Variants in CYP2W1 observed in about 807,000 individuals in gnomAD.
CYP2W1 encodes cytochrome P450 2W1.
CYP2W1 carries 51 observed loss-of-function variants against 44.9 expected under a neutral mutation model. That is an observed-to-expected ratio of 1.14 (90% CI 0.91 to 1.43). The LOEUF is 1.43. CYP2W1 is among the 40% of genes most tolerant of loss of function. CYP2W1 has a pLI of 0.00. For missense variants in CYP2W1, 746 were observed against 700.0 expected (o/e 1.07, Z -0.74); for synonymous variants, 383 against 338.3 (o/e 1.13, Z -1.45).
chr7:986,757 C>A lies in CYP2W1; in HGVS notation c.779C>A (p.Pro260His). The A allele has an allele frequency of 1.2e-6, 2 of 1,603,050 alleles. No homozygotes were observed. The highest frequency in any genetic ancestry group is 1.1e-5 in the South Asian group (1 of 89,892). Residue 260 changes from proline (P) to histidine (H), a missense_variant, in exon 5 of 9, where the codon CCC (proline) becomes CAC (histidine). Pro to His is a moderately conservative substitution (Grantham distance 77). Coordinates refer to ENST00000308919, the MANE Select transcript of CYP2W1 (RefSeq NM_017781.3). Reference protein sequence around the residue: ...ARRPHVCPGDPVCSYVDALIQ... With the variant: ...ARRPHVCPGDHVCSYVDALIQ... ...AGGCCCCACGTGTGCCCGGGGGACC[C>A]CGTGTGCAGCTATGTGGACGCCCTG...
chr7:988,298 C>A lies in CYP2W1; in HGVS notation c.1165C>A (p.Leu389Met). 1 of 1,600,842 alleles carries A rather than the reference C, an allele frequency of 6.2e-7. No individual in the cohort carries two copies. Among genetic ancestry groups the A allele is most frequent in the Non-Finnish European group, 8.5e-7 (1 of 1,171,118 alleles). The stretch of plus-strand genomic sequence containing the variant: ...ACAGGGCACGCCCGTGATTCCCCTG[C>A]TGACCTCGGTGCTCCTGGATGAGAC... ...LPKGTPVIPL[L>M]TSVLLDETQW... is the part of the protein sequence containing the mutation. Residue 389 changes from leucine to methionine, a missense_variant, in exon 8 of 9, where the codon CTG (leucine) becomes ATG (methionine). By Grantham distance (15) the Leu-to-Met change is conservative. Coordinates refer to ENST00000308919, the MANE Select transcript of CYP2W1 (RefSeq NM_017781.3).
rs1342798738 is a variant in CYP2W1 at position 984,883 on chromosome 7, C to T, written c.338-67C>T. 4 of 1,520,560 alleles carry T rather than the reference C, an allele frequency of 2.6e-6. No homozygotes were observed. The African/African-American group carries it at 5.5e-5, about 21-fold the overall frequency. 94.2% of individuals were successfully genotyped at this position (1,520,560 alleles called of 1,614,324 possible). ...GCCCTGTCAGCCTGCTCACTTCCTG[C>T]CCACTTGCCTGGCGGGGCTGGCTGG... On this transcript the variant is annotated intron_variant, in intron 2 of 8. Transcript: ENST00000308919.
intron 1 of CYP2W1, 68 bp from the exon 2 acceptor site, chr7:984,344 G>C: frequency 1.3e-6 from 2 of 1,485,334 alleles, no homozygotes; most frequent in Non-Finnish European, 1.8e-6. Context: ...CACAGGCCCG[G>C]CCTGAGGGGA....
chr7:984,951 C>A lies in CYP2W1; in HGVS notation c.339C>A (p.Gly113=). 4 of 1,597,378 alleles carry A rather than the reference C, an allele frequency of 2.5e-6. No individual in the cohort carries two copies. Among genetic ancestry groups the A allele is most frequent in the Middle Eastern group, 1.9e-4 (1 of 5,382 alleles). The change falls in exon 3 of 9, where the codon GGC becomes GGA. Residue 113 remains glycine, a splice_region_variant and synonymous_variant. Coordinates refer to ENST00000308919, the MANE Select transcript of CYP2W1 (RefSeq NM_017781.3). ...ACCACGCACTGTATCTGCCTACAGGCATCTTCTTCTCATCTGGGGCGCGCT... is the reference window on the plus strand; with the variant it reads ...ACCACGCACTGTATCTGCCTACAGGAATCTTCTTCTCATCTGGGGCGCGCT... ...AIFQLIQRGG[G]IFFSSGARWR...
rs780345128 is a variant in CYP2W1 at position 988,323 on chromosome 7, C to T, written c.1190C>T (p.Thr397Ile). 1.9e-6 allele frequency: 3 copies of T among 1,611,482 alleles called. No homozygotes were observed. The highest frequency in any genetic ancestry group is 2.5e-6 in the Non-Finnish European group (3 of 1,178,980). Residue 397 changes from threonine to isoleucine, a missense_variant, in exon 8 of 9, where the codon ACA becomes ATA. By Grantham distance (89) the Thr-to-Ile change is moderately conservative (BLOSUM62 -1). Transcript: ENST00000308919. ...CTGACCTCGGTGCTCCTGGATGAGA[C>T]ACAGTGGCAGACCCCAGGCCAGTTC... ...PLLTSVLLDE[T>I]QWQTPGQFNP...
chr7:985,549 C>A (rs1848273542), intron 4 of CYP2W1, among the ~76,000 whole-genome samples: 1 of 152,200 alleles, frequency 6.6e-6, no homozygotes, highest in Non-Finnish European at 1.5e-5. Context: ...CCCCATCTCC[C>A]CCACGCCCTC....
Position 984,532 on chromosome 7 carries a change from C to G in CYP2W1, c.295C>G (p.Arg99Gly). ...LAGPGQELAD[R>G]PPIAIFQLIQ... ...GGGCCCCGGGCAGGAGCTGGCCGACCGGCCTCCCATCGCCATCTTCCAGCT... is the reference window on the plus strand; with the variant it reads ...GGGCCCCGGGCAGGAGCTGGCCGACGGGCCTCCCATCGCCATCTTCCAGCT... The change falls in exon 2 of 9, where the codon CGG (arginine) becomes GGG (glycine). Residue 99 changes from arginine (R) to glycine (G), a missense_variant. Arg to Gly is a moderately radical substitution (Grantham distance 125). Coordinates refer to ENST00000308919, the MANE Select transcript of CYP2W1 (RefSeq NM_017781.3). 6.4e-7 allele frequency: 1 copy of G among 1,554,902 alleles called. No homozygotes were observed. Among genetic ancestry groups the G allele is most frequent in the Non-Finnish European group, 8.7e-7 (1 of 1,151,018 alleles).
At position 986,496 on chromosome 7, in the gene CYP2W1, T is replaced by G. The variant is rs1031120319; in HGVS notation, c.646-128T>G. ...GAGGGCTAAGGGTCCCCCCGTTCTG[T>G]GGCCGCCTCCAGCACATCCACCCAG... On this transcript the variant is annotated intron_variant, in intron 4 of 8. Transcript: ENST00000308919. 1.4e-5 allele frequency: 16 copies of G among 1,110,912 alleles called. No individual in the cohort carries two copies. In the African/African-American group the frequency reaches 2.5e-4, roughly 17 times the overall value. 68.8% of individuals were successfully genotyped at this position (1,110,912 alleles called of 1,614,324 possible).
rs1848634199 is a variant in CYP2W1, at chr7:989,192, CAG to C, written c.*374_*375del. ...GAGACAACGGGTGGCTGCATCCAGC[CAG>C]AGACAGGCGCAGGTGGGTGTCCTCA... On this transcript the variant is annotated 3_prime_UTR_variant, in exon 9 of 9. Coordinates refer to ENST00000308919, the MANE Select transcript of CYP2W1 (RefSeq NM_017781.3). 3 of 264,724 alleles carry C rather than the reference CAG, an allele frequency of 1.1e-5. No homozygotes were observed. In the South Asian group the frequency reaches 3.8e-4, roughly 34 times the overall value. 16.4% of individuals were successfully genotyped at this position (264,724 alleles called of 1,614,324 possible).
In CYP2W1 at chr7:985,343, C is replaced by T. The variant is rs766638477; in HGVS notation, c.645+20C>T. 59 of 1,546,692 alleles carry T rather than the reference C, an allele frequency of 3.8e-5. 1 individual carries two copies. The highest frequency in any genetic ancestry group is 2.0e-4 in the East Asian group (8 of 40,872). On this transcript the variant is annotated intron_variant, in intron 4 of 8. Coordinates refer to ENST00000308919, the MANE Select transcript of CYP2W1 (RefSeq NM_017781.3). Reference sequence around the variant, plus strand: ...CTGCAGGTGAGGAGCTGCCTCCCATCCTTGGGGTGGGGTGGAGCCTGGAGT... The same window carrying T: ...CTGCAGGTGAGGAGCTGCCTCCCATTCTTGGGGTGGGGTGGAGCCTGGAGT...
chr7:988,585 C>A (rs202064426), intron 8 of CYP2W1, 50 bp from the exon 9 acceptor site: 1 of 1,599,176 alleles, frequency 6.3e-7, no homozygotes, highest in East Asian at 2.2e-5. Flanking sequence ...CCCCTCCCCT[C>A]CAGGAGCAGG....
chr7:987,323 C>T, intron 6 of CYP2W1, 24 bp from the exon 7 acceptor site: 1 of 1,550,644 alleles, frequency 6.4e-7, no homozygotes, highest in African/African-American at 1.4e-5. Context: ...CGCTGCCACC[C>T]AAGCGGCCCA....
In CYP2W1 at chr7:988,259, C is replaced by G; in HGVS notation, c.1144-18C>G. 6.4e-7 allele frequency: 1 copy of G among 1,562,200 alleles called. No individual in the cohort carries two copies. The highest frequency in any genetic ancestry group is 8.7e-7 in the Non-Finnish European group (1 of 1,150,628). ...CTTCCCCGGGGCCCCTCTCTCTGTG[C>G]CCCGGCTGCCCCCACAGGGCACGCC... is the stretch of plus-strand genomic sequence containing the variant. On this transcript the variant is annotated intron_variant, in intron 7 of 8. Transcript: ENST00000308919.
intron 4 of CYP2W1, among the ~76,000 whole-genome samples, chr7:986,171 G>A (rs775812089): frequency 2.0e-5 from 3 of 152,178 alleles, no homozygotes; most frequent in Non-Finnish European, 4.4e-5. Context: ...CCAGGAAGGC[G>A]AGTGGCACGA....
In CYP2W1 at chr7:987,105, A is replaced by AG. The variant is rs1384369112; in HGVS notation, c.823dup. 8.4e-6 allele frequency: 13 copies of AG among 1,541,482 alleles called. No individual in the cohort carries two copies. In the South Asian group the frequency reaches 1.3e-4, roughly 16 times the overall value. ...CACGAGCCCTGCCCCACGCCTCTGCAGGGGGATGACCCCGAGGGCCTGTTT... is the reference window on the plus strand; with the variant it reads ...CACGAGCCCTGCCCCACGCCTCTGCAGGGGGGATGACCCCGAGGGCCTGTTT... On this transcript the variant is annotated splice_acceptor_variant, in intron 5 of 8. Coordinates refer to ENST00000308919, the MANE Select transcript of CYP2W1 (RefSeq NM_017781.3). LOFTEE classifies it high-confidence loss of function.
In CYP2W1 at chr7:984,464, C is replaced by T. The variant is rs1308318888; in HGVS notation, c.227C>T (p.Thr76Met). The T allele has an allele frequency of 5.8e-6, 9 of 1,550,918 alleles. No individual in the cohort carries two copies. The highest frequency in any genetic ancestry group is 2.4e-5 in the South Asian group (2 of 84,200). ...VFTVHLGRQK[T>M]VVLTGFEAVK... The stretch of plus-strand genomic sequence containing the variant: ...ACCGTGCACCTGGGGCGCCAGAAGA[C>T]GGTGGTGCTGACGGGGTTCGAGGCG... Residue 76 changes from threonine (T) to methionine (M), a missense_variant, in exon 2 of 9, where the codon ACG (threonine) becomes ATG (methionine). By Grantham distance (81) the Thr-to-Met change is moderately conservative (BLOSUM62 -1). Transcript: ENST00000308919.
At chr7:988,512 C>G (rs1236578954) in intron 8 of CYP2W1, 94 bp downstream of exon 8, 1 of 1,599,346 alleles carries the variant, frequency 6.3e-7, no homozygotes, top group South Asian at 1.1e-5. Flanking sequence ...CACCCACCTC[C>G]TGATCTCAGG....
intron 5 of CYP2W1, 76 bp from the exon 6 acceptor site, chr7:987,031 C>A: frequency 7.0e-7 from 1 of 1,426,866 alleles, no homozygotes; most frequent in Non-Finnish European, 9.2e-7. Context: ...ATAGTGGAGC[C>A]CAGGGCTGGG....
At position 986,706 on chromosome 7, in the gene CYP2W1, T is replaced by C. The variant is rs758097667; in HGVS notation, c.728T>C (p.Ile243Thr). The C allele has an allele frequency of 1.8e-5, 29 of 1,612,196 alleles. No individual in the cohort carries two copies. Among genetic ancestry groups the C allele is most frequent in the Non-Finnish European group, 2.5e-5 (29 of 1,179,724 alleles). The change falls in exon 5 of 9, where the codon ATT becomes ACT. Residue 243 changes from isoleucine (I) to threonine (T), a missense_variant. Coordinates refer to ENST00000308919, the MANE Select transcript of CYP2W1 (RefSeq NM_017781.3). ...VLRKIEEVRAILRTLLEARRP... is the reference protein window; with the variant it reads ...VLRKIEEVRATLRTLLEARRP... ...CGCAAGATCGAGGAGGTCCGTGCCA[T>C]TCTGAGGACCCTCCTGGAGGCGCGG...
Sources: gnomAD v4.1 joint callset for allele counts (sites outside exome capture counted in the v4.1 genomes callset) on GRCh38, gnomAD v4.1.1 for gene constraint, MANE v1.5 for transcripts, NCBI Gene and HGNC (gene_info 2026-07-23, HGNC 2026-07-21) for gene names.